The following RNF144A variants were observed in gnomAD, a reference collection of about 807,000 sequenced individuals.
RNF144A encodes ring finger protein 144A.
A neutral mutation model predicts 38.7 loss-of-function variants in RNF144A; 11 were observed. The ratio of observed to expected loss-of-function variants is 0.28; its 90% CI spans 0.18 to 0.47. RNF144A has a LOEUF of 0.47. RNF144A is among the 20% of genes least tolerant of loss of function. The pLI is 0.99. For missense variants in RNF144A, 316 were observed against 377.2 expected, an observed-to-expected ratio of 0.84 and a Z score of 1.34; for synonymous variants, 149 against 143.9, an observed-to-expected ratio of 1.04 and a Z score of -0.25.
downstream of RNF144A, among the ~76,000 whole-genome samples, chr2:7,045,902 G>GT (rs2103469601): frequency 6.6e-6 from 1 of 152,044 alleles, no homozygotes; most frequent in African/African-American, 2.4e-5. Flanking sequence ...TGTAGGAATT[G>GT]CCCCCCAGAA....
At chr2:6,976,620 A>G (rs1668333971) in intron 2 of RNF144A, among the ~76,000 whole-genome samples, 1 of 148,434 alleles carries the variant, frequency 6.7e-6, no homozygotes, top group South Asian at 2.1e-4. Context: ...GATATATGTC[A>G]TATATACATT....
At chr2:7,038,554 T>G (rs932623858) in intron 8 of RNF144A, among the ~76,000 whole-genome samples, 1 of 152,056 alleles carries the variant, frequency 6.6e-6, no homozygotes, top group African/African-American at 2.4e-5. Flanking sequence ...TAATAGGATA[T>G]ATAGATGTAT....
chr2:6,961,524 G>C (rs914503126), intron 2 of RNF144A, among the ~76,000 whole-genome samples: 2 of 152,158 alleles, frequency 1.3e-5, no homozygotes, highest in Admixed American at 6.5e-5. Flanking sequence ...TTAGGAGATA[G>C]TAATGTATTT....
At chr2:7,046,288 G>A (rs559598892), downstream of RNF144A, among the ~76,000 whole-genome samples, 3 of 152,160 alleles carry the variant, frequency 2.0e-5, no homozygotes, top group African/African-American at 4.8e-5. Flanking sequence ...TTGGCTACTC[G>A]CTCTTCTCTA....
intron 2 of RNF144A, among the ~76,000 whole-genome samples, chr2:6,967,485 C>T (rs1448221970): frequency 1.3e-5 from 2 of 152,162 alleles, no homozygotes; most frequent in African/African-American, 2.4e-5. Flanking sequence ...TTGAGGAGCC[C>T]CTCAGCCTCG....
rs966126474 is a variant in RNF144A, at chr2:6,943,718, G to A, written c.-12+2571G>A. Among the ~76,000 whole-genome samples the A allele has an allele frequency of 4.6e-5, 7 of 152,188 alleles. No individual in the cohort carries two copies. Among genetic ancestry groups the A allele is most frequent in the East Asian group, 1.9e-4 (1 of 5,176 alleles). On this transcript the variant is annotated intron_variant, in intron 2 of 8. Coordinates refer to ENST00000320892, the MANE Select transcript of RNF144A (RefSeq NM_014746.6). The surrounding 1 kb of genome is among the most constrained non-coding windows in gnomAD (Gnocchi z 4.3). The stretch of plus-strand genomic sequence containing the variant: ...GATGGACCAAATGACAGATACATGC[G>A]TGGGTGGTGCTCGGAGGAGGAGGCT...
chr2:7,073,513 A>C, the RNF144A span, among the ~76,000 whole-genome samples: 1 of 152,314 alleles, frequency 6.6e-6, no homozygotes, highest in East Asian at 1.9e-4. Context: ...ATAAGGAATG[A>C]ATCATTTTTT....
chr2:6,917,886 C>A lies in RNF144A; in HGVS notation c.-212+264C>A, dbSNP rs1416259331. 6.6e-6 allele frequency among the ~76,000 whole-genome samples: 1 copy of A among 151,308 alleles called. No individual in the cohort carries two copies. Among genetic ancestry groups the A allele is most frequent in the Non-Finnish European group, 1.5e-5 (1 of 67,756 alleles). ...CCTGCTCTGCTCCTGCCCTGCCCTG[C>A]CTCTCGCAGGCGGCGCCCGCGCCCC... On this transcript the variant is annotated intron_variant, in intron 1 of 8. Transcript: ENST00000320892. The surrounding 1 kb of genome is among the most constrained non-coding windows in gnomAD (Gnocchi z 4.8).
chr2:6,990,390 A>ACG (rs1558410434), intron 2 of RNF144A, among the ~76,000 whole-genome samples: 1 of 19,628 alleles, frequency 5.1e-5, no homozygotes, highest in African/African-American at 5.5e-4. Flanking sequence ...ATATTTACAC[A>ACG]CACACACACA....
intron 8 of RNF144A, among the ~76,000 whole-genome samples, chr2:7,037,627 G>A (rs1234019219): frequency 2.6e-5 from 4 of 152,210 alleles, no homozygotes; most frequent in Non-Finnish European, 5.9e-5. Flanking sequence ...ATGTATAAAT[G>A]CAATGTGGCA....
At chr2:7,068,760 G>C (rs1389333574), downstream of RNF144A, among the ~76,000 whole-genome samples, 4 of 152,186 alleles carry the variant, frequency 2.6e-5, no homozygotes, top group African/African-American at 9.7e-5. Flanking sequence ...AAGAGAGAAT[G>C]ATCTTGGAGG....
chr2:6,987,052 C>A (rs771266087), intron 2 of RNF144A, among the ~76,000 whole-genome samples: 1 of 151,910 alleles, frequency 6.6e-6, no homozygotes, highest in African/African-American at 2.4e-5. Context: ...GGGGTCAGAA[C>A]GCGTGGCTGT....
intron 3 of RNF144A, among the ~76,000 whole-genome samples, chr2:7,002,577 G>T (rs1334399039): frequency 6.6e-6 from 1 of 152,166 alleles, no homozygotes; most frequent in East Asian, 1.9e-4. Flanking sequence ...AGAGGACTTT[G>T]CTAAGGTTTC....
chr2:6,995,143 C>A (rs1343097819), intron 2 of RNF144A, among the ~76,000 whole-genome samples: 1 of 152,130 alleles, frequency 6.6e-6, no homozygotes, highest in African/African-American at 2.4e-5. Context: ...GTTTTCCTAA[C>A]TAAATATTAG....
In RNF144A at chr2:6,958,416, G is replaced by A. The variant is rs1253290856; in HGVS notation, c.-12+17269G>A. On this transcript the variant is annotated intron_variant, in intron 2 of 8. Transcript: ENST00000320892. The surrounding 1 kb of genome is among the most constrained non-coding windows in gnomAD (Gnocchi z 4.5). ...AGGAAAACAGAATATTGCATTTTAG[G>A]TAGAGCAGCTGATTAAAGTTCTCGG... is the stretch of plus-strand genomic sequence containing the variant. Among the ~76,000 whole-genome samples, 1 of 152,208 alleles carries A rather than the reference G, an allele frequency of 6.6e-6. No homozygotes were observed. The highest frequency in any genetic ancestry group is 2.4e-5 in the African/African-American group (1 of 41,440).
intron 3 of RNF144A, among the ~76,000 whole-genome samples, chr2:7,010,793 C>G (rs1346625423): frequency 6.6e-6 from 1 of 152,136 alleles, no homozygotes; most frequent in African/African-American, 2.4e-5. Flanking sequence ...CCTGATCCCA[C>G]CCAGGTGGGA....
chr2:6,921,251 G>A (rs370658869), intron 1 of RNF144A, among the ~76,000 whole-genome samples: 5 of 152,298 alleles, frequency 3.3e-5, no homozygotes, highest in Non-Finnish European at 5.9e-5. Context: ...TGGATGTTCC[G>A]TAGAACTGGA....
intron 2 of RNF144A, among the ~76,000 whole-genome samples, chr2:6,985,664 G>T (rs1668907788): frequency 6.6e-6 from 1 of 152,080 alleles, no homozygotes; most frequent in South Asian, 2.1e-4. Flanking sequence ...TTTTCAAATT[G>T]GAAAGGATGT....
chr2:7,010,834 T>C (rs1454108955), intron 3 of RNF144A, among the ~76,000 whole-genome samples: 1 of 152,078 alleles, frequency 6.6e-6, no homozygotes, highest in Non-Finnish European at 1.5e-5. Flanking sequence ...AGTGGCCCAT[T>C]AGAGCCTCCC....
Sources: gnomAD v4.1 joint callset for allele counts (sites outside exome capture counted in the v4.1 genomes callset) on GRCh38, gnomAD v4.1.1 for gene constraint, Gnocchi (gnomAD v3.1) non-coding constraint, MANE v1.5 for transcripts, NCBI Gene and HGNC (gene_info 2026-07-23, HGNC 2026-07-21) for gene names.